TARM1: variants seen among roughly 807,000 people sequenced by gnomAD.
The protein encoded by TARM1 is T cell-interacting, activating receptor on myeloid cells 1.
TARM1 carries 24 observed loss-of-function variants against 30.4 expected under a neutral mutation model. The ratio of observed to expected loss-of-function variants is 0.79; its 90% confidence interval spans 0.57 to 1.11. The LOEUF (loss-of-function observed/expected upper bound fraction) is 1.11, where lower values mean the gene tolerates loss of function less well. Ranked by LOEUF, TARM1 falls within the 50% of genes least tolerant of loss-of-function variation. The pLI is 0.00. For synonymous variants in TARM1, 129 were observed against 138.9 expected (o/e 0.93, Z 0.50); for missense variants, 323 against 332.8 (o/e 0.97, Z 0.23).
intron 1 of TARM1, among the ~76,000 whole-genome samples, chr19:54,077,168 G>A (rs587660647): frequency 9.9e-5 from 15 of 152,126 alleles, no homozygotes; most frequent in African/African-American, 3.4e-4. Context: ...GGATCACGAG[G>A]TCAGGAGTTG....
chr19:54,080,134 AG>A lies in TARM1; in HGVS notation c.34+1172del, dbSNP rs1600214897. On this transcript the variant is annotated intron_variant, in intron 1 of 4. Coordinates refer to ENST00000432826, the MANE Select transcript of TARM1 (RefSeq NM_001135686.3). ...AAGGAAGGAAGGAAGGAAGGAAGGA[AG>A]GAAGAAAGCAAGCAAGCAAGCAAGC... 4.4e-3 allele frequency among the ~76,000 whole-genome samples: 305 copies of A among 69,428 alleles called. 13 individuals are homozygous for A. In the Admixed American group the frequency reaches 0.048, roughly 11 times the overall value. The allele number at this position is 69,428 out of a possible 152,430, so 45.5% of individuals were successfully genotyped here.
At position 54,075,077 on chromosome 19, in the gene TARM1, G is replaced by C. The variant is rs1226939573; in HGVS notation, c.108C>G (p.Ser36Arg). ...CATTGCTGTTGGCAGGGACCACCGA[G>C]CTGGGCCAGGCACTGAGGGACGGCT... is the stretch of plus-strand genomic sequence containing the variant. ...LPKPSLSAWP[S>R]SVVPANSNVT... Residue 36 changes from serine (S) to arginine (R), a missense_variant, in exon 3 of 5, where the codon AGC (serine) becomes AGG (arginine). Transcript: ENST00000432826. 33 of 1,551,380 alleles carry C rather than the reference G, an allele frequency of 2.1e-5. No individual in the cohort carries two copies. The highest frequency in any genetic ancestry group is 3.9e-5 in the Admixed American group (2 of 50,946).
At chr19:54,070,190 C>T in intron 4 of TARM1, 30 bp from the exon 5 acceptor site, 1 of 1,544,460 alleles carries the variant, frequency 6.5e-7, no homozygotes, top group Non-Finnish European at 8.7e-7. Flanking sequence ...CAGCACTGAC[C>T]CTCAGAGGGT....
chr19:54,075,161 T>A (rs2071917470), intron 2 of TARM1, 47 bp from the exon 3 acceptor site: 1 of 1,470,546 alleles, frequency 6.8e-7, no homozygotes, highest in African/African-American at 1.4e-5. Context: ...CCTCCCCTGC[T>A]CTCAGGAAGC....
intron 2 of TARM1, 73 bp downstream of exon 2, chr19:54,075,810 G>T (rs1055602762): frequency 6.8e-7 from 1 of 1,475,926 alleles, no homozygotes; most frequent in Non-Finnish European, 9.2e-7. Flanking sequence ...GAGAAAAAGA[G>T]GGGGAAGGGG....
intron 4 of TARM1, among the ~76,000 whole-genome samples, chr19:54,071,273 A>T (rs780860641): frequency 6.6e-6 from 1 of 152,048 alleles, no homozygotes; most frequent in Non-Finnish European, 1.5e-5. Flanking sequence ...ATGCAATCCT[A>T]ATGAGTTGTA....
chr19:54,069,936 C>T lies in TARM1; in HGVS notation c.*67G>A, dbSNP rs2146201838. ...TCTCATCCTGTGACTTAGAAAGCCT[C>T]AACCCCCTGGGAATGCAGTCCAGCA... On this transcript the variant is annotated 3_prime_UTR_variant, in exon 5 of 5. Transcript: ENST00000432826. The T allele has an allele frequency of 7.8e-7, 1 of 1,280,416 alleles. No homozygotes were observed. The highest frequency in any genetic ancestry group is 1.1e-6 in the Non-Finnish European group (1 of 918,438). 79.3% of individuals were successfully genotyped at this position (1,280,416 alleles called of 1,614,324 possible).
intron 1 of TARM1, among the ~76,000 whole-genome samples, chr19:54,079,116 T>C (rs189325024): frequency 2.2e-5 from 3 of 134,014 alleles, no homozygotes; most frequent in Non-Finnish European, 4.8e-5. Flanking sequence ...AAAAAAAACT[T>C]AGCCAGGCAT....
chr19:54,079,600 C>T (rs2072045722), intron 1 of TARM1, among the ~76,000 whole-genome samples: 1 of 152,172 alleles, frequency 6.6e-6, no homozygotes, highest in African/African-American at 2.4e-5. Context: ...GCCTGTAATC[C>T]CAGCACTTTG....
chr19:54,075,145 C>A lies in TARM1; in HGVS notation c.71-31G>T, dbSNP rs587637433. 3.9e-6 allele frequency: 6 copies of A among 1,537,660 alleles called. No individual in the cohort carries two copies. In the Admixed American group the frequency reaches 1.2e-4, roughly 31 times the overall value. On this transcript the variant is annotated intron_variant, in intron 2 of 4. Transcript: ENST00000432826. ...AGGAAGCAGAGCCTGATGCTGGACCCGATGCCCTCCCCTGCTCTCAGGAAG... is the reference window on the plus strand; with the variant it reads ...AGGAAGCAGAGCCTGATGCTGGACCAGATGCCCTCCCCTGCTCTCAGGAAG...
rs587697672 is a variant in TARM1 at position 54,076,219 on chromosome 19, A to G, written c.35-301T>C. The G allele has an allele frequency of 1.6e-5, 24 of 1,507,856 alleles. No individual in the cohort carries two copies. The South Asian group carries it at 2.9e-4, about 18-fold the overall frequency. 93.4% of individuals were successfully genotyped at this position (1,507,856 alleles called of 1,614,324 possible). On this transcript the variant is annotated intron_variant, in intron 1 of 4. Coordinates refer to ENST00000432826, the MANE Select transcript of TARM1 (RefSeq NM_001135686.3). ...TTTGAAAACAGCACTCATTCTTACCATTTCTTTCTTTCTTTCTTTTTCTTT... is the reference window on the plus strand; with the variant it reads ...TTTGAAAACAGCACTCATTCTTACCGTTTCTTTCTTTCTTTCTTTTTCTTT...
intron 1 of TARM1, among the ~76,000 whole-genome samples, chr19:54,080,523 G>GAAGA: frequency 6.8e-6 from 1 of 146,874 alleles, no homozygotes; most frequent in Admixed American, 6.8e-5. Context: ...AGGAAGGAAG[G>GAAGA]AAGGAAGGAA....
At chr19:54,080,020 G>GGAAT (rs2072056833) in intron 1 of TARM1, among the ~76,000 whole-genome samples, 2 of 4,870 alleles carry the variant, frequency 4.1e-4, no homozygotes, top group Non-Finnish European at 8.4e-4. Flanking sequence ...GGAAAAGGAG[G>GGAAT]GAAGGAAGGA....
At chr19:54,071,258 A>G (rs1167042890) in intron 4 of TARM1, among the ~76,000 whole-genome samples, 1 of 151,470 alleles carries the variant, frequency 6.6e-6, no homozygotes, top group Admixed American at 6.6e-5. Context: ...GCGCCCGGCC[A>G]AGATATGCAA....
intron 1 of TARM1, 123 bp downstream of exon 1, chr19:54,081,184 C>G: frequency 1.2e-6 from 1 of 859,800 alleles, no homozygotes; most frequent in Non-Finnish European, 1.9e-6. Flanking sequence ...CTCAGCAGGA[C>G]GTCTCACTCC....
At chr19:54,076,290 A>G (rs2071950298) in intron 1 of TARM1, 1 of 1,275,286 alleles carries the variant, frequency 7.8e-7, no homozygotes. Flanking sequence ...TCTTTCTTTC[A>G]TTCATTCCAG....
chr19:54,075,782 A>T (rs1421365566), intron 2 of TARM1, 101 bp downstream of exon 2: 3 of 1,353,896 alleles, frequency 2.2e-6, no homozygotes, highest in Admixed American at 2.1e-5. Context: ...AAAGAGTGAG[A>T]CTCCGTCAAA....
chr19:54,078,866 C>T (rs587625882), intron 1 of TARM1, among the ~76,000 whole-genome samples: 2 of 152,158 alleles, frequency 1.3e-5, no homozygotes, highest in East Asian at 3.9e-4. Flanking sequence ...ATAGATGTAG[C>T]TCGAGGATAT....
At chr19:54,071,681 G>A (rs1248502768) in intron 4 of TARM1, among the ~76,000 whole-genome samples, 1 of 152,054 alleles carries the variant, frequency 6.6e-6, no homozygotes, top group Admixed American at 6.6e-5. Flanking sequence ...TTAGCCGGGT[G>A]TGGTGGCGGG....
Sources: gnomAD v4.1 joint callset for allele counts (sites outside exome capture counted in the v4.1 genomes callset) on GRCh38, gnomAD v4.1.1 for gene constraint, MANE v1.5 for transcripts, NCBI Gene and HGNC (gene_info 2026-07-23, HGNC 2026-07-21) for gene names.